CCDC141: variants seen among roughly 807,000 people sequenced by gnomAD.
CCDC141 encodes the protein coiled-coil domain-containing protein 141.
A neutral mutation model predicts 181.0 loss-of-function variants in CCDC141; 168 were observed. That is an observed-to-expected ratio of 0.93 (90% confidence interval 0.82 to 1.05). The LOEUF is 1.05. Ranked by LOEUF, CCDC141 falls within the 50% of genes least tolerant of loss-of-function variation. The pLI is 0.00. For missense variants in CCDC141, 1,902 were observed against 1,788.5 expected, an observed-to-expected ratio of 1.06 and a Z score of -1.14; for synonymous variants, 666 against 642.3, an observed-to-expected ratio of 1.04 and a Z score of -0.56.
intron 4 of CCDC141, among the ~76,000 whole-genome samples, chr2:178,972,319 G>A (rs751655813): frequency 1.6e-4 from 25 of 152,210 alleles, no homozygotes; most frequent in Admixed American, 2.6e-4. Flanking sequence ...CTGCCATGTC[G>A]TACATTGGAA....
intron 5 of CCDC141, among the ~76,000 whole-genome samples, chr2:178,948,595 T>A (rs1010584233): frequency 1.1e-4 from 16 of 152,146 alleles, no homozygotes; most frequent in African/African-American, 3.1e-4. Context: ...TGAAATTTGA[T>A]CCCCAGTGTT....
intron 2 of CCDC141, among the ~76,000 whole-genome samples, chr2:179,008,413 C>T (rs2886806): frequency 0.57 from 86,020 of 151,962 alleles, 27,204 homozygotes; most frequent in Non-Finnish European, 0.72. Context: ...GTAGGTGTCA[C>T]GGGCACTGAG....
intron 22 of CCDC141, among the ~76,000 whole-genome samples, chr2:178,844,265 G>A (rs139098422): frequency 5.9e-5 from 9 of 152,218 alleles, no homozygotes; most frequent in African/African-American, 2.2e-4. Context: ...AGAAAATGTG[G>A]TGCATTTAAG....
At chr2:178,952,907 A>G (rs1254264545) in intron 5 of CCDC141, among the ~76,000 whole-genome samples, 2 of 152,208 alleles carry the variant, frequency 1.3e-5, no homozygotes, top group Admixed American at 1.3e-4. Flanking sequence ...AGCAGCTCAC[A>G]TTTATTGATA....
intron 8 of CCDC141, among the ~76,000 whole-genome samples, chr2:178,901,539 T>C (rs908720163): frequency 3.9e-5 from 6 of 152,294 alleles, no homozygotes; most frequent in African/African-American, 1.4e-4. Context: ...AGAAAAGGCC[T>C]TTGACAAAAT....
rs1321059412 is a variant in CCDC141, at chr2:178,918,838, C to T, written c.967G>A (p.Glu323Lys). Reference sequence around the variant, plus strand: ...TGAGAGAGCTGGAGGTGTTCTTTCTCCACGTAGTCCTTTGACAGCAGAATT... The same window carrying T: ...TGAGAGAGCTGGAGGTGTTCTTTCTTCACGTAGTCCTTTGACAGCAGAATT... ...LRILLSKDYV[E>K]KEHLQLSHQK... The change falls in exon 7 of 24, where the codon GAG becomes AAG. Residue 323 changes from glutamate (E) to lysine (K), a missense_variant. Physicochemically the swap from Glu to Lys is moderately conservative, Grantham distance 56. Transcript: ENST00000443758. 5.2e-6 allele frequency: 8 copies of T among 1,550,530 alleles called. No homozygotes were observed. Among genetic ancestry groups the T allele is most frequent in the African/African-American group, 2.7e-5 (2 of 73,048 alleles).
chr2:178,834,478 GTTTA>G (rs1189331845), intron 23 of CCDC141, 38 bp from the exon 24 acceptor site: 4 of 1,529,440 alleles, frequency 2.6e-6, no homozygotes, highest in Non-Finnish European at 3.5e-6. Flanking sequence ...CAGGATTGCT[GTTTA>G]TTCACATTAT....
chr2:178,939,210 T>C (rs1689409109), intron 6 of CCDC141, among the ~76,000 whole-genome samples: 1 of 152,192 alleles, frequency 6.6e-6, no homozygotes, highest in Non-Finnish European at 1.5e-5. Flanking sequence ...AAGGGGCCCA[T>C]GCTGTCCCCA....
At chr2:178,897,778 T>C (rs924618465) in intron 8 of CCDC141, among the ~76,000 whole-genome samples, 2 of 152,186 alleles carry the variant, frequency 1.3e-5, no homozygotes, top group Non-Finnish European at 2.9e-5. Flanking sequence ...GAGCTCTGAA[T>C]TGGTAACTGA....
intron 5 of CCDC141, among the ~76,000 whole-genome samples, chr2:178,952,757 A>C (rs549255307): frequency 6.6e-6 from 1 of 152,370 alleles, no homozygotes; most frequent in African/African-American, 2.4e-5. Context: ...ACAGTTAGAC[A>C]GTCATTTATA....
chr2:178,857,123 C>T (rs1027108218), intron 17 of CCDC141, among the ~76,000 whole-genome samples: 2 of 151,842 alleles, frequency 1.3e-5, no homozygotes, highest in African/African-American at 4.8e-5. Flanking sequence ...TCTTTTTTCC[C>T]ATTCATTCTG....
At chr2:178,896,484 A>G (rs574251439) in intron 8 of CCDC141, among the ~76,000 whole-genome samples, 3 of 152,162 alleles carry the variant, frequency 2.0e-5, no homozygotes, top group Non-Finnish European at 4.4e-5. Flanking sequence ...TCATATGTAC[A>G]TTTGATAACT....
rs1177752118 is a variant in CCDC141 at position 178,886,844 on chromosome 2, G to C, written c.1435C>G (p.Pro479Ala). Residue 479 changes from proline to alanine, a missense_variant, in exon 10 of 24, where the codon CCA (proline) becomes GCA (alanine). Pro to Ala is a conservative substitution (Grantham distance 27, BLOSUM62 -1). Coordinates refer to ENST00000443758, the MANE Select transcript of CCDC141 (RefSeq NM_173648.4). The stretch of plus-strand genomic sequence containing the variant: ...ACATCCATTGCATTAGAAAGTACTG[G>C]ACTGATTTTCTGAATTGACATTTCC... The part of the protein sequence containing the change: ...KVEMSIQKIS[P>A]VLSNAMDVGS... 6 of 1,436,186 alleles carry C rather than the reference G, an allele frequency of 4.2e-6. No homozygotes were observed. The highest frequency in any genetic ancestry group is 6.4e-5 in the Admixed American group (2 of 31,260). 89.0% of individuals were successfully genotyped at this position (1,436,186 alleles called of 1,614,324 possible). A position where few individuals can be genotyped will look rare whatever the true frequency, so the allele number is the denominator to read the frequency against.
chr2:179,033,128 A>G (rs1575372101), intron 2 of CCDC141, among the ~76,000 whole-genome samples: 1 of 151,384 alleles, frequency 6.6e-6, no homozygotes, highest in East Asian at 1.9e-4. Flanking sequence ...AAACAAAAGA[A>G]AAGAAAATGC....
chr2:178,834,028 T>C lies in CCDC141; in HGVS notation c.*145A>G, dbSNP rs1684367855. The C allele has an allele frequency of 1.3e-6, 1 of 774,536 alleles. No homozygotes were observed. Among genetic ancestry groups the C allele is most frequent in the Admixed American group, 2.8e-5 (1 of 35,106 alleles). 48.0% of individuals were successfully genotyped at this position (774,536 alleles called of 1,614,324 possible). ...CTCCAGAAAATTTGATTATTTCACC[T>C]AGCAGTGGTATTAGCCAAACAAGTA... On this transcript the variant is annotated 3_prime_UTR_variant, in exon 24 of 24. Coordinates refer to ENST00000443758, the MANE Select transcript of CCDC141 (RefSeq NM_173648.4).
At chr2:178,990,941 A>C (rs1559033181) in intron 2 of CCDC141, among the ~76,000 whole-genome samples, 1 of 152,128 alleles carries the variant, frequency 6.6e-6, no homozygotes, top group African/African-American at 2.4e-5. Flanking sequence ...CATACTCAAC[A>C]AAAACGGATT....
chr2:178,937,450 C>T (rs982012525), intron 6 of CCDC141, among the ~76,000 whole-genome samples: 6 of 152,058 alleles, frequency 3.9e-5, no homozygotes, highest in African/African-American at 7.2e-5. Context: ...CCTACTTGAT[C>T]GTGGTGGAAT....
chr2:179,016,030 T>C lies in CCDC141; in HGVS notation c.225+31254A>G, dbSNP rs1261220827. On this transcript the variant is annotated intron_variant, in intron 2 of 23. Transcript: ENST00000443758. ...CTACTCAGCCATAAAAAGGAATGAA[T>C]TAACAGCATTCACAATGACCTGGAT... Among the ~76,000 whole-genome samples the C allele has an allele frequency of 4.6e-5, 7 of 150,900 alleles. No individual in the cohort carries two copies. In the East Asian group the frequency reaches 1.4e-3, roughly 29 times the overall value.
At chr2:178,896,454 T>C (rs1687411515) in intron 8 of CCDC141, among the ~76,000 whole-genome samples, 1 of 152,198 alleles carries the variant, frequency 6.6e-6, no homozygotes, top group Non-Finnish European at 1.5e-5. Context: ...GGCCTGGTGC[T>C]GGTATGCCAT....
Sources: gnomAD v4.1 joint callset for allele counts (sites outside exome capture counted in the v4.1 genomes callset) on GRCh38, gnomAD v4.1.1 for gene constraint, MANE v1.5 for transcripts, NCBI Gene and HGNC (gene_info 2026-07-23, HGNC 2026-07-21) for gene names.